The following SMARCAD1 variants were observed in gnomAD, a reference collection of about 807,000 sequenced individuals.
SMARCAD1 encodes the protein SNF2 related chromatin remodeling ATPase with DExD box 1, also known as SWI/SNF-related matrix-associated actin-dependent regulator of chromatin subfamily A containing DEAD/H box 1.
A neutral mutation model predicts 127.1 loss-of-function variants in SMARCAD1; 25 were observed. The observed-to-expected ratio is 0.20, with a 90% CI of 0.14 to 0.27. The LOEUF (loss-of-function observed/expected upper bound fraction) is 0.27. Ranked by LOEUF, SMARCAD1 falls within the 10% of genes least tolerant of loss-of-function variation. SMARCAD1 has a pLI of 1.00. For missense variants in SMARCAD1, 807 were observed against 1,206.0 expected, an observed-to-expected ratio of 0.67 and a Z score of 4.90; for synonymous variants, 400 against 396.9, an observed-to-expected ratio of 1.01 and a Z score of -0.09.
intron 9 of SMARCAD1, among the ~76,000 whole-genome samples, chr4:94,261,872 C>T (rs1751043103): frequency 6.6e-6 from 1 of 152,140 alleles, no homozygotes; most frequent in Non-Finnish European, 1.5e-5. Context: ...GGCCTCCCAA[C>T]ATGCTGGGAT....
At chr4:94,235,198 T>TC (rs1490592896) in intron 4 of SMARCAD1, among the ~76,000 whole-genome samples, 2 of 150,322 alleles carry the variant, frequency 1.3e-5, no homozygotes, top group African/African-American at 4.9e-5. Context: ...TCCAGTTTTG[T>TC]CCCTCTCCCA....
intron 2 of SMARCAD1, among the ~76,000 whole-genome samples, chr4:94,214,243 A>C (rs566645878): frequency 2.0e-5 from 3 of 149,876 alleles, no homozygotes; most frequent in East Asian, 4.0e-4. Context: ...TTTCAGGATT[A>C]TTGAAAATTG....
At chr4:94,270,954 T>A in intron 11 of SMARCAD1, 136 bp downstream of exon 11, 1 of 711,658 alleles carries the variant, frequency 1.4e-6, no homozygotes, top group Non-Finnish European at 2.5e-6. Context: ...TTTTATCTCA[T>A]CTTTGTTTTT....
chr4:94,282,891 T>A (rs1579362258), intron 21 of SMARCAD1, among the ~76,000 whole-genome samples: 2 of 152,248 alleles, frequency 1.3e-5, no homozygotes, highest in Non-Finnish European at 2.9e-5. Context: ...ATTAATTGAA[T>A]CTGAATAGTT....
intron 6 of SMARCAD1, 129 bp from the exon 7 acceptor site, chr4:94,249,522 AAAG>A: frequency 1.5e-6 from 1 of 645,502 alleles, no homozygotes; most frequent in African/African-American, 1.8e-5. Flanking sequence ...ACAGAAACAA[AAAG>A]AAACAGTTTG....
At chr4:94,264,547 C>T (rs1034718681) in intron 9 of SMARCAD1, 160 bp from the exon 10 acceptor site, 11 of 583,554 alleles carry the variant, frequency 1.9e-5, no homozygotes, top group Non-Finnish European at 3.0e-5. Context: ...TGTAGCAACT[C>T]AAATATAAAC....
At chr4:94,225,821 A>G (rs1744900383) in intron 2 of SMARCAD1, among the ~76,000 whole-genome samples, 1 of 152,222 alleles carries the variant, frequency 6.6e-6, no homozygotes, top group Non-Finnish European at 1.5e-5. Context: ...TGCTGTCTCA[A>G]GTAAAACCTA....
intron 10 of SMARCAD1, among the ~76,000 whole-genome samples, chr4:94,266,953 A>G (rs1751812548): frequency 6.6e-6 from 1 of 152,158 alleles, no homozygotes; most frequent in South Asian, 2.1e-4. Context: ...GTCAAAATTT[A>G]AATTGTTTAA....
intron 3 of SMARCAD1, among the ~76,000 whole-genome samples, chr4:94,231,080 T>C (rs1239109993): frequency 6.6e-6 from 1 of 152,218 alleles, no homozygotes; most frequent in Non-Finnish European, 1.5e-5. Context: ...GCGAAAGATG[T>C]AAAAACAATA....
In SMARCAD1 at chr4:94,229,798, GGT is replaced by G. The variant is rs1042229942; in HGVS notation, c.368+3505_368+3506del. Among the ~76,000 whole-genome samples, 12 of 106,376 alleles carry G rather than the reference GGT, an allele frequency of 1.1e-4. No individual in the cohort carries two copies. In the East Asian group the frequency reaches 1.9e-3, roughly 17 times the overall value. The allele number at this position is 106,376 out of a possible 152,430, so 69.8% of individuals were successfully genotyped here. ...GAGAAGGAAAAATGTGAAAATGTGTGGTGTTTTTTTTTTTTTAATCATTTGTT... is the reference window on the plus strand; with the variant it reads ...GAGAAGGAAAAATGTGAAAATGTGTGGTTTTTTTTTTTTTAATCATTTGTT... On this transcript the variant is annotated intron_variant, in intron 3 of 23. Transcript: ENST00000354268.
At chr4:94,270,963 T>G in intron 11 of SMARCAD1, 145 bp downstream of exon 11, 1 of 684,970 alleles carries the variant, frequency 1.5e-6, no homozygotes, top group Non-Finnish European at 2.6e-6. Context: ...ATCTTTGTTT[T>G]TGATAGAGTT....
intron 9 of SMARCAD1, among the ~76,000 whole-genome samples, chr4:94,263,230 G>A (rs1751275262): frequency 6.6e-6 from 1 of 152,034 alleles, no homozygotes; most frequent in African/African-American, 2.4e-5. Context: ...ACATTTCAAT[G>A]TATTACACAC....
chr4:94,277,688 A>G (rs1753495164), intron 16 of SMARCAD1, among the ~76,000 whole-genome samples: 1 of 151,964 alleles, frequency 6.6e-6, no homozygotes, highest in African/African-American at 2.4e-5. Context: ...GTCTTCAAGA[A>G]CTCCCAGTTT....
At chr4:94,249,114 T>C (rs1748889663) in intron 6 of SMARCAD1, among the ~76,000 whole-genome samples, 1 of 152,142 alleles carries the variant, frequency 6.6e-6, no homozygotes, top group South Asian at 2.1e-4. Context: ...TTAATTAATC[T>C]GTTCGGTTTA....
chr4:94,250,047 T>C (rs943224160), intron 7 of SMARCAD1, among the ~76,000 whole-genome samples: 1 of 152,012 alleles, frequency 6.6e-6, no homozygotes, highest in African/African-American at 2.4e-5. Flanking sequence ...TCTGTAACCC[T>C]GCCCCCATCA....
At chr4:94,251,220 T>A (rs1049371565) in intron 8 of SMARCAD1, among the ~76,000 whole-genome samples, 5 of 152,130 alleles carry the variant, frequency 3.3e-5, no homozygotes, top group African/African-American at 1.2e-4. Context: ...TGCACAGATA[T>A]CAAAAGCACT....
intron 5 of SMARCAD1, among the ~76,000 whole-genome samples, chr4:94,238,001 C>T: frequency 6.6e-6 from 1 of 152,042 alleles, no homozygotes; most frequent in East Asian, 1.9e-4. Context: ...TCTGAATGCT[C>T]ATTTTTCTAA....
chr4:94,230,540 T>C (rs1021975585), intron 3 of SMARCAD1, among the ~76,000 whole-genome samples: 1 of 152,180 alleles, frequency 6.6e-6, no homozygotes, highest in Non-Finnish European at 1.5e-5. Context: ...AGCCAGATAA[T>C]TCTTTGTTGT....
At chr4:94,241,116 A>T (rs1387629322) in intron 6 of SMARCAD1, 110 bp downstream of exon 6, 1 of 748,684 alleles carries the variant, frequency 1.3e-6, no homozygotes, top group Admixed American at 2.2e-5. Flanking sequence ...ATTCCTTTCT[A>T]TCACAACTAA....
Sources: gnomAD v4.1 joint callset for allele counts (sites outside exome capture counted in the v4.1 genomes callset) on GRCh38, gnomAD v4.1.1 for gene constraint, MANE v1.5 for transcripts, NCBI Gene and HGNC (gene_info 2026-07-23, HGNC 2026-07-21) for gene names.